The following GRAMD1A variants were observed in gnomAD, a reference collection of about 807,000 sequenced individuals.
GRAMD1A encodes the protein protein Aster-A.
GRAMD1A carries 50 observed loss-of-function variants against 92.0 expected under a neutral mutation model. That is an observed-to-expected ratio of 0.54 (90% CI 0.43 to 0.69). The LOEUF (loss-of-function observed/expected upper bound fraction) is 0.69, where lower values mean the gene tolerates loss of function less well. Ranked by LOEUF, GRAMD1A falls within the 30% of genes least tolerant of loss-of-function variation. GRAMD1A has a pLI of 0.00. For synonymous variants in GRAMD1A, 405 were observed against 403.6 expected (o/e 1.00, Z -0.04); for missense variants, 819 against 978.9 (o/e 0.84, Z 2.18).
chr19:35,009,854 C>T (rs370105209), intron 3 of GRAMD1A, 34 bp from the exon 4 acceptor site: 9 of 1,279,256 alleles, frequency 7.0e-6, no homozygotes, highest in African/African-American at 1.5e-5. Flanking sequence ...AGTGTGAACC[C>T]CCATCCAGGT....
rs1426902886 is a variant in GRAMD1A, at chr19:35,021,803, C to CG, written c.1696dup (p.Asp566GlyfsTer9). The CG allele has an allele frequency of 6.2e-7, 1 of 1,609,544 alleles. No homozygotes were observed. The highest frequency in any genetic ancestry group is 8.5e-7 in the Non-Finnish European group (1 of 1,178,148). On this transcript the variant is annotated frameshift_variant, in exon 15 of 20. Coordinates refer to ENST00000317991, the MANE Select transcript of GRAMD1A (RefSeq NM_020895.5). LOFTEE classifies it high-confidence loss of function. The surrounding 1 kb of genome is among the most constrained non-coding windows in gnomAD (Gnocchi z 5.3). Reference sequence around the variant, plus strand: ...AGCGGCCCCTGAGCTGGCGGGCTCACGGGGACGGGCCCCAGCACCCAGATC... The same window carrying CG: ...AGCGGCCCCTGAGCTGGCGGGCTCACGGGGGACGGGCCCCAGCACCCAGATC...
chr19:35,002,123 G>A (rs561352110), intron 1 of GRAMD1A, among the ~76,000 whole-genome samples: 1 of 152,188 alleles, frequency 6.6e-6, no homozygotes, highest in Non-Finnish European at 1.5e-5. Context: ...AACAGTGTGA[G>A]ACCCCTTGTG....
At chr19:35,004,662 G>A (rs780208167) in intron 1 of GRAMD1A, among the ~76,000 whole-genome samples, 4 of 152,108 alleles carry the variant, frequency 2.6e-5, no homozygotes, top group Non-Finnish European at 4.4e-5. Flanking sequence ...GGAGTTGAGG[G>A]TCAGTCATGG....
chr19:35,026,414 TTTAATGTA>T lies in GRAMD1A; in HGVS notation c.*277_*284del. 1.9e-6 allele frequency: 1 copy of T among 514,946 alleles called. No homozygotes were observed. Among genetic ancestry groups the T allele is most frequent in the Non-Finnish European group, 3.5e-6 (1 of 286,778 alleles). 31.9% of individuals were successfully genotyped at this position (514,946 alleles called of 1,614,324 possible). A position where few individuals can be genotyped will look rare whatever the true frequency, so the allele number is the denominator to read the frequency against. Reference sequence around the variant, plus strand: ...GGTGCACGATTCCCTCAGCTCTGGGTTTAATGTATTATATTTATTTGGGGCCGACAGTG... The same window carrying T: ...GGTGCACGATTCCCTCAGCTCTGGGTTTATATTTATTTGGGGCCGACAGTG... On this transcript the variant is annotated 3_prime_UTR_variant, in exon 20 of 20. Coordinates refer to ENST00000317991, the MANE Select transcript of GRAMD1A (RefSeq NM_020895.5).
intron 5 of GRAMD1A, 28 bp from the exon 6 acceptor site, chr19:35,010,256 C>A: frequency 6.3e-7 from 1 of 1,593,308 alleles, no homozygotes; most frequent in South Asian, 1.1e-5. Context: ...CCCCACCCCG[C>A]TCCTATTGAC....
intron 1 of GRAMD1A, among the ~76,000 whole-genome samples, chr19:35,004,728 G>A (rs1035513061): frequency 3.9e-5 from 6 of 152,148 alleles, no homozygotes; most frequent in Non-Finnish European, 8.8e-5. Context: ...TCAGCAGAGC[G>A]TCATGGGCAG....
At position 35,019,319 on chromosome 19, in the gene GRAMD1A, G is replaced by A; in HGVS notation, c.1332+10G>A. 6.2e-7 allele frequency: 1 copy of A among 1,612,380 alleles called. No individual in the cohort carries two copies. The highest frequency in any genetic ancestry group is 8.5e-7 in the Non-Finnish European group (1 of 1,178,926). ...CGTGGTGGAGACACAGGTGGGCCAGGTGGGGCAGCCGAGTGGGTGGGGCAG... is the reference window on the plus strand; with the variant it reads ...CGTGGTGGAGACACAGGTGGGCCAGATGGGGCAGCCGAGTGGGTGGGGCAG... On this transcript the variant is annotated intron_variant, in intron 12 of 19. Coordinates refer to ENST00000317991, the MANE Select transcript of GRAMD1A (RefSeq NM_020895.5).
rs147041737 is a variant in GRAMD1A, at chr19:35,019,417, C to T, written c.1359C>T (p.Ala453=). The T allele has an allele frequency of 0.011, 17,303 of 1,613,858 alleles. 169 individuals carry two copies. Among genetic ancestry groups the T allele is most frequent in the African/African-American group, 0.047 (3,508 of 75,018 alleles). ...TQTLFRRGPQ[A]GGCVVDSEVL... ...CGCTGTTCCGGCGCGGCCCCCAGGC[C>T]GGCGGGTGTGTGGTGGACTCCGAGG... is the stretch of plus-strand genomic sequence containing the variant. The change falls in exon 13 of 20, where the codon GCC becomes GCT. Residue 453 remains alanine, a synonymous_variant. Transcript: ENST00000317991.
rs199663006 is a variant in GRAMD1A at position 35,010,297 on chromosome 19, T to C, written c.443T>C (p.Leu148Pro). ...FRWETTISIQ[L>P]KEVTCLKKEK... is the part of the protein sequence containing the mutation. ...TGCTGTCCTCAGATCTCCATCCAGC[T>C]GAAGGAAGTGACATGTCTGAAGAAG... The change falls in exon 6 of 20, where the codon CTG (leucine) becomes CCG (proline). Residue 148 changes from leucine to proline, a missense_variant. Around this residue, in one of 3 missense-constraint regions of GRAMD1A, gnomAD observed 144 missense variants for 220.3 expected, o/e 0.65. Coordinates refer to ENST00000317991, the MANE Select transcript of GRAMD1A (RefSeq NM_020895.5). 42 of 1,613,028 alleles carry C rather than the reference T, an allele frequency of 2.6e-5. No homozygotes were observed. In the Admixed American group the frequency reaches 6.7e-4, roughly 26 times the overall value.
chr19:35,014,061 C>A, intron 9 of GRAMD1A, 128 bp from the exon 10 acceptor site: 1 of 863,798 alleles, frequency 1.2e-6, no homozygotes, highest in Non-Finnish European at 1.9e-6. Context: ...GCAGCTCAGC[C>A]GTGAGCCCTC....
chr19:34,996,442 A>G (rs2014040527), upstream of GRAMD1A, among the ~76,000 whole-genome samples: 2 of 152,196 alleles, frequency 1.3e-5, no homozygotes, highest in Admixed American at 6.5e-5. Flanking sequence ...TGCACAAACA[A>G]AAGGTAAAAA....
Position 35,026,123 on chromosome 19 carries a change from C to G in GRAMD1A, c.2157C>G (p.Pro719=), listed in dbSNP as rs758267306. ...CTCCCTTTGACACCCAGCCCCGGCC[C>G]GATGACAGCTTTTCCTGAGGACCCC... The part of the protein sequence containing the change: ...SDPPFDTQPR[P]DDSFS The change falls in exon 20 of 20, where the codon CCC becomes CCG. Residue 719 remains proline (P), a synonymous_variant. Transcript: ENST00000317991. 6.3e-7 allele frequency: 1 copy of G among 1,579,496 alleles called. No individual in the cohort carries two copies. Among genetic ancestry groups the G allele is most frequent in the Non-Finnish European group, 8.7e-7 (1 of 1,148,464 alleles).
chr19:35,018,699 T>G (rs948725601), intron 11 of GRAMD1A, among the ~76,000 whole-genome samples: 1 of 152,096 alleles, frequency 6.6e-6, no homozygotes, highest in Non-Finnish European at 1.5e-5. Context: ...CAGGCAAAGA[T>G]GGGCTGAACC....
At chr19:35,005,903 G>C (rs1367957449) in intron 1 of GRAMD1A, 1 of 456,144 alleles carries the variant, frequency 2.2e-6, no homozygotes, top group Non-Finnish European at 4.4e-6. Context: ...GATCTGGACA[G>C]ACAGAATGGC....
rs775965206 is a variant in GRAMD1A at position 35,026,108 on chromosome 19, C to T, written c.2142C>T (p.Asp714=). 6.2e-7 allele frequency: 1 copy of T among 1,600,298 alleles called. No individual in the cohort carries two copies. Among genetic ancestry groups the T allele is most frequent in the South Asian group, 1.1e-5 (1 of 90,798 alleles). The change falls in exon 20 of 20, where the codon GAC becomes GAT. Residue 714 remains aspartate, a synonymous_variant. Transcript: ENST00000317991. The stretch of plus-strand genomic sequence containing the variant: ...TCACAGTCTCAGACCCTCCCTTTGA[C>T]ACCCAGCCCCGGCCCGATGACAGCT... ...QGITVSDPPF[D]TQPRPDDSFS is the part of the protein sequence containing the mutation.
Position 34,995,038 on chromosome 19 carries a change from C to T in GRAMD1A, c.-30+213C>T, listed in dbSNP as rs564895942. On this transcript the variant is annotated intron_variant, in intron 1 of 19. Coordinates refer to the GRAMD1A transcript ENST00000599564. Reference sequence around the variant, plus strand: ...CCCAGGCAGCCTCTAACATCACAGCCACAGAGCAGAAACTGGCCTGGCTTC... The same window carrying T: ...CCCAGGCAGCCTCTAACATCACAGCTACAGAGCAGAAACTGGCCTGGCTTC... 2.0e-5 allele frequency among the ~76,000 whole-genome samples: 3 copies of T among 152,338 alleles called. No homozygotes were observed. The South Asian group carries it at 6.2e-4, about 32-fold the overall frequency.
chr19:35,021,058 G>A lies in GRAMD1A; in HGVS notation c.1476-444G>A, dbSNP rs867909454. Among the ~76,000 whole-genome samples the A allele has an allele frequency of 9.2e-5, 14 of 152,332 alleles. No individual in the cohort carries two copies. Among genetic ancestry groups the A allele is most frequent in the Middle Eastern group, 3.4e-3 (1 of 294 alleles). On this transcript the variant is annotated intron_variant, in intron 13 of 19. Coordinates refer to ENST00000317991, the MANE Select transcript of GRAMD1A (RefSeq NM_020895.5). The surrounding 1 kb of genome is among the most constrained non-coding windows in gnomAD (Gnocchi z 5.3). ...ATTTGGCCCAAATCACTACAACTTC[G>A]GAGCTGCCCTTGACCCAGATGGGGG...
In GRAMD1A at chr19:35,019,123, G is replaced by A. The variant is rs942329389; in HGVS notation, c.1214-68G>A. The A allele has an allele frequency of 7.8e-6, 8 of 1,019,860 alleles. No homozygotes were observed. The African/African-American group carries it at 1.1e-4, about 14-fold the overall frequency. The allele number at this position is 1,019,860 out of a possible 1,614,324, so 63.2% of individuals were successfully genotyped here. On this transcript the variant is annotated intron_variant, in intron 11 of 19. Transcript: ENST00000317991. ...CCCCAGAGAGACCTCCCAGAAGGCTGAGTCTCCTGTGGCCTGTGGGCAAAG... is the reference window on the plus strand; with the variant it reads ...CCCCAGAGAGACCTCCCAGAAGGCTAAGTCTCCTGTGGCCTGTGGGCAAAG...
At chr19:35,025,593 C>T (rs1253027437) in intron 19 of GRAMD1A, among the ~76,000 whole-genome samples, 1 of 152,154 alleles carries the variant, frequency 6.6e-6, no homozygotes, top group Non-Finnish European at 1.5e-5. Flanking sequence ...TCCAGAGGTT[C>T]GAGGAGCTCA....
Sources: allele counts gnomAD v4.1 joint callset (sites outside exome capture counted in the v4.1 genomes callset), GRCh38; gene constraint gnomAD v4.1.1; regional missense constraint gnomAD v4.1.1; non-coding constraint Gnocchi (gnomAD v3.1); transcripts MANE v1.5; gene names NCBI Gene and HGNC (gene_info 2026-07-23, HGNC 2026-07-21).